NCALD: variants seen among roughly 807,000 people sequenced by gnomAD.
NCALD encodes the protein neurocalcin-delta.
In NCALD, 10 loss-of-function variants were observed where a neutral mutation model predicts 18.6. That is an observed-to-expected ratio of 0.54 (90% confidence interval 0.33 to 0.91). The LOEUF is 0.91. Ranked by LOEUF, NCALD falls within the 40% of genes least tolerant of loss-of-function variation. NCALD has a pLI of 0.03. For synonymous variants in NCALD, 88 were observed against 87.4 expected (o/e 1.01, Z -0.04); for missense variants, 184 against 247.6 (o/e 0.74, Z 1.72).
At chr8:102,124,586 C>T (rs1826055289), upstream of NCALD, 1 of 152,162 alleles carries the variant, frequency 6.6e-6, no homozygotes. Context: ...GGCCTCTAGC[C>T]AGCCTGCACT....
chr8:102,084,032 A>G (rs1824647531), intron 1 of NCALD, among the ~76,000 whole-genome samples: 1 of 152,236 alleles, frequency 6.6e-6, no homozygotes, highest in South Asian at 2.1e-4. Flanking sequence ...ATGAATAATT[A>G]TGTGCCAACA....
At chr8:101,789,339 T>A (rs748574877) in intron 1 of NCALD, among the ~76,000 whole-genome samples, 1 of 152,190 alleles carries the variant, frequency 6.6e-6, no homozygotes, top group African/African-American at 2.4e-5. Context: ...TCTCAGTAGA[T>A]GTGCCTGGAA....
chr8:101,789,549 T>C (rs189615905), intron 1 of NCALD, among the ~76,000 whole-genome samples: 1 of 152,304 alleles, frequency 6.6e-6, no homozygotes, highest in Non-Finnish European at 1.5e-5. Flanking sequence ...TAAATGCTAT[T>C]AGAATTCTGA....
chr8:102,022,154 G>C (rs1288962050), intron 1 of NCALD, among the ~76,000 whole-genome samples: 1 of 152,078 alleles, frequency 6.6e-6, no homozygotes, highest in Non-Finnish European at 1.5e-5. Context: ...GAAACCAGAG[G>C]TCGGGGAGCC....
intron 1 of NCALD, among the ~76,000 whole-genome samples, chr8:101,773,310 C>T (rs191748877): frequency 6.6e-5 from 10 of 152,294 alleles, no homozygotes; most frequent in Admixed American, 5.9e-4. Flanking sequence ...GCGCACAATA[C>T]CGTGGGTTTG....
At chr8:101,948,107 A>G (rs1216848218) in intron 2 of NCALD, among the ~76,000 whole-genome samples, 3 of 152,252 alleles carry the variant, frequency 2.0e-5, no homozygotes, top group Non-Finnish European at 2.9e-5. Context: ...GATGGGTTTT[A>G]TATCTTGAAA....
chr8:102,028,014 T>C (rs543660363), intron 1 of NCALD, among the ~76,000 whole-genome samples: 5 of 152,336 alleles, frequency 3.3e-5, no homozygotes, highest in Admixed American at 6.5e-5. Context: ...AAGATTTGGA[T>C]TCTGGATCCC....
chr8:101,938,511 A>T (rs1331165276), intron 2 of NCALD, among the ~76,000 whole-genome samples: 4 of 152,246 alleles, frequency 2.6e-5, no homozygotes, highest in Non-Finnish European at 5.9e-5. Flanking sequence ...TCTCCAAGAT[A>T]AACAGCTACA....
chr8:101,887,413 A>G (rs1040773055), intron 3 of NCALD, among the ~76,000 whole-genome samples: 6 of 152,216 alleles, frequency 3.9e-5, no homozygotes, highest in Non-Finnish European at 7.4e-5. Flanking sequence ...CTCAGGAATG[A>G]GTCTTGTAAC....
In NCALD at chr8:101,880,085, AG is replaced by A. The variant is rs1214726921; in HGVS notation, c.-20+7055del. ...TGCAGGAGCCCATGGTGTGGGGGGG[AG>A]GGGGGGCGGTGAGGGAGGCTGGGGC... On this transcript the variant is annotated intron_variant, in intron 4 of 6. Transcript: ENST00000311028. Among the ~76,000 whole-genome samples, 5 of 9,944 alleles carry A rather than the reference AG, an allele frequency of 5.0e-4. 1 individual carries two copies. The highest frequency in any genetic ancestry group is 1.0e-3 in the Non-Finnish European group (5 of 4,916). The allele number at this position is 9,944 out of a possible 152,430, so 6.5% of individuals were successfully genotyped here. A position where few individuals can be genotyped will look rare whatever the true frequency, so the allele number is the denominator to read the frequency against.
intron 4 of NCALD, among the ~76,000 whole-genome samples, chr8:101,833,603 G>C (rs1054925357): frequency 8.6e-4 from 63 of 73,168 alleles, no homozygotes; most frequent in Non-Finnish European, 1.5e-3. Flanking sequence ...ACTGTTTTTT[G>C]TTTCTTGTTT....
intron 3 of NCALD, chr8:101,692,024 G>C (rs1264153578): frequency 3.1e-6 from 3 of 980,902 alleles, no homozygotes; most frequent in Non-Finnish European, 3.6e-6. Context: ...CGTTAACTTT[G>C]AATTTCAGAT....
At position 101,719,277 on chromosome 8, in the gene NCALD, T is replaced by G. The variant is rs776210194; in HGVS notation, c.353A>C (p.Lys118Thr). Residue 118 changes from lysine to threonine, a missense_variant, in exon 2 of 4, where the codon AAG (lysine) becomes ACG (threonine). Physicochemically the swap from Lys to Thr is moderately conservative, Grantham distance 78. Coordinates refer to ENST00000220931, the MANE Select transcript of NCALD (RefSeq NM_032041.3). Reference sequence around the variant, plus strand: ...CTGCACGATCTCTAGCATCTCTGCCTTGCTGATATAGCCATTTCCGTCCAG... The same window carrying G: ...CTGCACGATCTCTAGCATCTCTGCCGTGCTGATATAGCCATTTCCGTCCAG... ...YDLDGNGYIS[K>T]AEMLEIVQAI... 2 of 1,614,040 alleles carry G rather than the reference T, an allele frequency of 1.2e-6. No individual in the cohort carries two copies. The highest frequency in any genetic ancestry group is 1.7e-6 in the Non-Finnish European group (2 of 1,180,016).
intron 1 of NCALD, among the ~76,000 whole-genome samples, chr8:102,114,509 G>A (rs1468395954): frequency 6.6e-6 from 1 of 152,220 alleles, no homozygotes; most frequent in East Asian, 1.9e-4. Context: ...AGTAATAGCA[G>A]GAAGCCATGA....
intron 3 of NCALD, among the ~76,000 whole-genome samples, chr8:101,897,412 T>C (rs1382214627): frequency 1.4e-5 from 2 of 147,008 alleles, no homozygotes; most frequent in Admixed American, 1.3e-4. Context: ...ATATACCTAA[T>C]GCTAGATGAC....
At chr8:101,951,217 A>C (rs1181365394) in intron 2 of NCALD, among the ~76,000 whole-genome samples, 1 of 152,226 alleles carries the variant, frequency 6.6e-6, no homozygotes, top group East Asian at 1.9e-4. Flanking sequence ...ACAGTATTAT[A>C]GGAGGCTAGA....
intron 2 of NCALD, among the ~76,000 whole-genome samples, chr8:102,004,935 A>G (rs1821639006): frequency 6.6e-6 from 1 of 152,244 alleles, no homozygotes; most frequent in Non-Finnish European, 1.5e-5. Context: ...TCCTAGAAGA[A>G]AACCTAGGCA....
intron 4 of NCALD, among the ~76,000 whole-genome samples, chr8:101,798,000 G>A (rs1382121813): frequency 2.0e-5 from 3 of 152,162 alleles, no homozygotes; most frequent in Non-Finnish European, 4.4e-5. Context: ...AAATGAGTGA[G>A]AGGAATGTCC....
chr8:101,896,172 G>A (rs2131541074), intron 3 of NCALD, among the ~76,000 whole-genome samples: 1 of 151,870 alleles, frequency 6.6e-6, no homozygotes, highest in South Asian at 2.1e-4. Flanking sequence ...CAGAGATATA[G>A]ATCAATGGAA....
Sources: allele counts gnomAD v4.1 joint callset (sites outside exome capture counted in the v4.1 genomes callset), GRCh38; gene constraint gnomAD v4.1.1; transcripts MANE v1.5; gene names NCBI Gene and HGNC (gene_info 2026-07-23, HGNC 2026-07-21).